Variants in LRP11 observed in about 807,000 individuals in gnomAD.
LRP11 encodes the protein LDL receptor related protein 11, also known as low-density lipoprotein receptor-related protein 11.
A neutral mutation model predicts 43.1 loss-of-function variants in LRP11; 25 were observed. The observed-to-expected ratio is 0.58, with a 90% CI of 0.42 to 0.81. The LOEUF (loss-of-function observed/expected upper bound fraction) is 0.81, where lower values mean the gene tolerates loss of function less well. Among genes scored for constraint, LRP11 ranks in the 30% least tolerant of loss-of-function variants. The pLI is 0.00. For synonymous variants in LRP11, 316 were observed against 299.4 expected, an observed-to-expected ratio of 1.06 and a Z score of -0.57; for missense variants, 623 against 665.1, an observed-to-expected ratio of 0.94 and a Z score of 0.70.
intron 4 of LRP11, among the ~76,000 whole-genome samples, chr6:149,836,962 GATATT>G (rs1391002264): frequency 6.6e-6 from 1 of 152,036 alleles, no homozygotes; most frequent in Non-Finnish European, 1.5e-5. Context: ...CTATGTGTAT[GATATT>G]ATAAGACTGA....
chr6:149,847,166 C>T (rs1479823085), intron 2 of LRP11, among the ~76,000 whole-genome samples: 1 of 152,132 alleles, frequency 6.6e-6, no homozygotes, highest in Non-Finnish European at 1.5e-5. Context: ...CTAAACTCTG[C>T]AGGCCTGCGG....
chr6:149,826,799 T>C (rs906870582), intron 5 of LRP11, among the ~76,000 whole-genome samples: 1 of 152,160 alleles, frequency 6.6e-6, no homozygotes, highest in Admixed American at 6.5e-5. Context: ...AATAGCTCAA[T>C]TTTCTTTCTG....
intron 6 of LRP11, among the ~76,000 whole-genome samples, chr6:149,825,042 G>A (rs905299681): frequency 3.3e-5 from 5 of 152,152 alleles, no homozygotes; most frequent in Admixed American, 2.6e-4. Flanking sequence ...CAGGAGGCCA[G>A]CAGACCAAGG....
intron 5 of LRP11, among the ~76,000 whole-genome samples, chr6:149,831,322 G>A (rs956093510): frequency 6.6e-6 from 1 of 152,204 alleles, no homozygotes; most frequent in East Asian, 1.9e-4. Flanking sequence ...CAGATTCCAC[G>A]TGAATGTGGA....
At chr6:149,862,301 G>C (rs551179083) in intron 1 of LRP11, among the ~76,000 whole-genome samples, 3 of 152,276 alleles carry the variant, frequency 2.0e-5, no homozygotes, top group South Asian at 2.1e-4. Context: ...ACTTCCAAAG[G>C]GGCTGAGCTC....
chr6:149,851,787 C>T (rs9397036), intron 2 of LRP11, among the ~76,000 whole-genome samples: 54,920 of 151,970 alleles, frequency 0.36, 10,778 homozygotes, highest in East Asian at 0.81. Context: ...GTGTATTAGT[C>T]CATTCTCACA....
chr6:149,854,671 C>T (rs1776772646), intron 1 of LRP11, among the ~76,000 whole-genome samples: 1 of 152,246 alleles, frequency 6.6e-6, no homozygotes, highest in Non-Finnish European at 1.5e-5. Context: ...CTTTGGCATC[C>T]ACTTCCCCAT....
intron 1 of LRP11, among the ~76,000 whole-genome samples, chr6:149,859,661 G>C (rs1776862104): frequency 6.6e-6 from 1 of 151,864 alleles, no homozygotes; most frequent in Non-Finnish European, 1.5e-5. Context: ...CTCCCAAAGC[G>C]CTGGGATTAC....
At position 149,820,396 on chromosome 6, in the gene LRP11, CTT is replaced by C; in HGVS notation, c.*151_*152del. The C allele has an allele frequency of 2.1e-6, 1 of 469,938 alleles. No individual in the cohort carries two copies. The highest frequency in any genetic ancestry group is 3.8e-6 in the Non-Finnish European group (1 of 265,922). 29.1% of individuals were successfully genotyped at this position (469,938 alleles called of 1,614,324 possible). ...AAATATTTTATGACTTCTAAGGAAA[CTT>C]TTTTTACAATAAATAATAAAGAAAG... On this transcript the variant is annotated 3_prime_UTR_variant, in exon 7 of 7. Coordinates refer to ENST00000239367, the MANE Select transcript of LRP11 (RefSeq NM_032832.6).
At chr6:149,841,642 G>A (rs1306959263) in intron 3 of LRP11, among the ~76,000 whole-genome samples, 1 of 152,204 alleles carries the variant, frequency 6.6e-6, no homozygotes, top group Non-Finnish European at 1.5e-5. Context: ...GCTGGGCGCG[G>A]TGGTTCACGC....
chr6:149,848,752 A>C (rs1776676395), intron 2 of LRP11, among the ~76,000 whole-genome samples: 1 of 150,728 alleles, frequency 6.6e-6, no homozygotes. Flanking sequence ...AAGGAGGGAG[A>C]GGTTTAGAAA....
intron 1 of LRP11, 148 bp from the exon 2 acceptor site, chr6:149,853,308 T>C: frequency 1.4e-6 from 1 of 694,740 alleles, no homozygotes. Flanking sequence ...CTATTTATTT[T>C]ATGATCGTGG....
At chr6:149,831,478 T>C (rs1583078658) in intron 5 of LRP11, among the ~76,000 whole-genome samples, 1 of 152,184 alleles carries the variant, frequency 6.6e-6, no homozygotes, top group East Asian at 1.9e-4. Flanking sequence ...TGGTCAACAA[T>C]CCAGCCATTG....
At position 149,837,466 on chromosome 6, in the gene LRP11, A is replaced by C; in HGVS notation, c.914-3T>G. 1 of 1,613,226 alleles carries C rather than the reference A, an allele frequency of 6.2e-7. No homozygotes were observed. Among genetic ancestry groups the C allele is most frequent in the Non-Finnish European group, 8.5e-7 (1 of 1,179,614 alleles). On this transcript the variant is annotated splice_polypyrimidine_tract_variant and splice_region_variant and intron_variant, in intron 3 of 6. Coordinates refer to ENST00000239367, the MANE Select transcript of LRP11 (RefSeq NM_032832.6). ...GCGTGAGCAAGTGTGCAAACATCCT[A>C]TTTGTAAACAAATCTCAAGTCACAC...
intron 1 of LRP11, among the ~76,000 whole-genome samples, chr6:149,857,372 T>C (rs951229879): frequency 3.3e-5 from 5 of 151,884 alleles, no homozygotes; most frequent in Non-Finnish European, 7.4e-5. Context: ...CTACTAAAAA[T>C]ACAGAAAGTA....
chr6:149,858,909 T>G (rs1304602037), intron 1 of LRP11, among the ~76,000 whole-genome samples: 1 of 152,230 alleles, frequency 6.6e-6, no homozygotes, highest in Non-Finnish European at 1.5e-5. Context: ...TATGAATATT[T>G]TAATGGTTTC....
At chr6:149,848,399 A>G (rs1469891741) in intron 2 of LRP11, among the ~76,000 whole-genome samples, 1 of 152,172 alleles carries the variant, frequency 6.6e-6, no homozygotes, top group Non-Finnish European at 1.5e-5. Context: ...CAAAGAATAC[A>G]AACTGTTCTA....
At chr6:149,833,585 G>A (rs1391339960) in intron 5 of LRP11, among the ~76,000 whole-genome samples, 1 of 152,082 alleles carries the variant, frequency 6.6e-6, no homozygotes, top group African/African-American at 2.4e-5. Context: ...AAGAAAATGC[G>A]ACAAAATTTT....
chr6:149,858,636 C>A (rs932327838), intron 1 of LRP11, among the ~76,000 whole-genome samples: 2 of 152,120 alleles, frequency 1.3e-5, no homozygotes, highest in Non-Finnish European at 2.9e-5. Context: ...TAGGTGTATT[C>A]CAGTTACAAT....
Sources: gnomAD v4.1 joint callset for allele counts (sites outside exome capture counted in the v4.1 genomes callset) on GRCh38, gnomAD v4.1.1 for gene constraint, MANE v1.5 for transcripts, NCBI Gene and HGNC (gene_info 2026-07-23, HGNC 2026-07-21) for gene names.